ATE1: variants seen among roughly 807,000 people sequenced by gnomAD.
ATE1 encodes the protein arginyl-tRNA--protein transferase 1.
ATE1 carries 36 observed loss-of-function variants against 70.5 expected under a neutral mutation model. That is an observed-to-expected ratio of 0.51 (90% CI 0.39 to 0.67). ATE1 has a LOEUF of 0.67. ATE1 is among the 30% of genes least tolerant of loss of function. The pLI, the probability that ATE1 is intolerant of heterozygous loss-of-function variation, is 0.00. For missense variants in ATE1, 593 were observed against 629.5 expected (o/e 0.94, Z 0.62); for synonymous variants, 232 against 219.3 (o/e 1.06, Z -0.51).
At chr10:121,812,298 A>G (rs569443395) in intron 10 of ATE1, among the ~76,000 whole-genome samples, 9 of 152,236 alleles carry the variant, frequency 5.9e-5, no homozygotes, top group East Asian at 3.9e-4. Context: ...TGTTGACTCT[A>G]TAACAACAGA....
intron 11 of ATE1, among the ~76,000 whole-genome samples, chr10:121,750,316 T>C (rs1041335049): frequency 6.6e-6 from 1 of 152,178 alleles, no homozygotes; most frequent in Non-Finnish European, 1.5e-5. Context: ...AGAAAAACTC[T>C]CGGCTTACTG....
intron 1 of ATE1, chr10:121,927,068 A>AT: frequency 1.0e-6 from 1 of 985,286 alleles, no homozygotes; most frequent in Non-Finnish European, 1.2e-6. Flanking sequence ...TTCTATTAAA[A>AT]TAATAGAGTC....
intron 7 of ATE1, among the ~76,000 whole-genome samples, chr10:121,872,582 C>A (rs1949899907): frequency 6.6e-6 from 1 of 151,812 alleles, no homozygotes; most frequent in African/African-American, 2.4e-5. Context: ...ATATTATATT[C>A]AGTAGAAATG....
At chr10:121,753,717 C>T (rs1693674) in intron 11 of ATE1, among the ~76,000 whole-genome samples, 124,381 of 152,200 alleles carry the variant, frequency 0.82, 51,248 homozygotes, top group Non-Finnish European at 0.88. Context: ...CCCCTAAATA[C>T]TCATCTTAGA....
rs118034563 is a variant in ATE1 at position 121,798,622 on chromosome 10, G to A, written c.1258-8333C>T. On this transcript the variant is annotated intron_variant, in intron 10 of 11. Transcript: ENST00000224652. ...CTTTAAAAAGTAATGAAGACAGGCCGGGTGCAGTGGCTCACGCCTGTAATC... is the reference window on the plus strand; with the variant it reads ...CTTTAAAAAGTAATGAAGACAGGCCAGGTGCAGTGGCTCACGCCTGTAATC... Among the ~76,000 whole-genome samples the A allele has an allele frequency of 1.4e-3, 208 of 152,264 alleles. 1 individual carries two copies. The East Asian group carries it at 0.015, about 11-fold the overall frequency.
chr10:121,925,020 G>A (rs1171419029), intron 1 of ATE1, among the ~76,000 whole-genome samples: 1 of 152,136 alleles, frequency 6.6e-6, no homozygotes, highest in East Asian at 1.9e-4. Context: ...AATGTTTTGT[G>A]CTTATTAGTT....
intron 9 of ATE1, among the ~76,000 whole-genome samples, chr10:121,837,090 T>C (rs1240437872): frequency 6.6e-6 from 1 of 152,118 alleles, no homozygotes; most frequent in Non-Finnish European, 1.5e-5. Context: ...CAGCATAAAA[T>C]TAAAGAGATC....
Position 121,855,137 on chromosome 10 carries a change from GCAAC to G in ATE1, c.976-13878_976-13875del, listed in dbSNP as rs140192860. Among the ~76,000 whole-genome samples the G allele has an allele frequency of 7.8e-3, 1,194 of 152,248 alleles. 17 individuals carry two copies. Among genetic ancestry groups the G allele is most frequent in the African/African-American group, 0.028 (1,154 of 41,542 alleles). ...GCTTTTGTATTCAACTGTAAAAATG[GCAAC>G]CCTCTCCCAGGCCCCCTCTCTGCTG... On this transcript the variant is annotated intron_variant, in intron 8 of 11. Transcript: ENST00000224652.
intron 10 of ATE1, among the ~76,000 whole-genome samples, chr10:121,802,722 C>G (rs1003014196): frequency 1.3e-5 from 2 of 152,126 alleles, no homozygotes; most frequent in African/African-American, 4.8e-5. Context: ...GCTGAACCAT[C>G]CCCTGTGCTG....
rs532405610 is a variant in ATE1, at chr10:121,923,766, A to C, written c.170+500T>G. ...AAATCCTTATCCAAATAAACTGTTAAAGAAGACATTTTTGAGACAATCTGG... is the reference window on the plus strand; with the variant it reads ...AAATCCTTATCCAAATAAACTGTTACAGAAGACATTTTTGAGACAATCTGG... On this transcript the variant is annotated intron_variant, in intron 2 of 11. Coordinates refer to ENST00000224652, the MANE Select transcript of ATE1 (RefSeq NM_001001976.3). Among the ~76,000 whole-genome samples the C allele has an allele frequency of 7.2e-5, 11 of 152,350 alleles. No homozygotes were observed. The East Asian group carries it at 1.5e-3, about 21-fold the overall frequency.
At chr10:121,873,232 T>C (rs1949921890) in intron 7 of ATE1, among the ~76,000 whole-genome samples, 1 of 152,184 alleles carries the variant, frequency 6.6e-6, no homozygotes. Flanking sequence ...AATTATTCTG[T>C]CAAGTCTTGA....
In ATE1 at chr10:121,892,184, T is replaced by C. The variant is rs543101007; in HGVS notation, c.942+7682A>G. ...AGCCCCACAGATAGTGCACTCTCTATCTGTAGGCCAAGGGTTTGCCAAGTG... is the reference window on the plus strand; with the variant it reads ...AGCCCCACAGATAGTGCACTCTCTACCTGTAGGCCAAGGGTTTGCCAAGTG... On this transcript the variant is annotated intron_variant, in intron 7 of 11. Transcript: ENST00000224652. 9.9e-5 allele frequency among the ~76,000 whole-genome samples: 15 copies of C among 152,182 alleles called. No individual in the cohort carries two copies. In the South Asian group the frequency reaches 1.9e-3, roughly 19 times the overall value.
chr10:121,919,695 CGA>C (rs146060975), intron 3 of ATE1, among the ~76,000 whole-genome samples: 23,789 of 151,856 alleles, frequency 0.16, 2,013 homozygotes, highest in East Asian at 0.32. Context: ...ATCACGAGTT[CGA>C]GAGTAGCGCG....
chr10:121,757,744 T>C (rs1458465601), intron 11 of ATE1, among the ~76,000 whole-genome samples: 1 of 152,176 alleles, frequency 6.6e-6, no homozygotes, highest in African/African-American at 2.4e-5. Context: ...TCACTCCCAC[T>C]GGGTCCCTCC....
At chr10:121,894,327 C>A (rs1950692732) in intron 7 of ATE1, among the ~76,000 whole-genome samples, 1 of 151,996 alleles carries the variant, frequency 6.6e-6, no homozygotes, top group Admixed American at 6.6e-5. Flanking sequence ...AACAAAAACC[C>A]AGGTCAATTA....
At chr10:121,761,165 G>A (rs2088409) in intron 11 of ATE1, among the ~76,000 whole-genome samples, 125,857 of 152,110 alleles carry the variant, frequency 0.83, 52,431 homozygotes, top group Non-Finnish European at 0.89. Flanking sequence ...ATGGGTGGGA[G>A]CAGCTTGAGG....
chr10:121,862,615 C>T (rs1564906136), intron 8 of ATE1, among the ~76,000 whole-genome samples: 2 of 131,188 alleles, frequency 1.5e-5, no homozygotes, highest in Non-Finnish European at 3.1e-5. Flanking sequence ...CTCAAGTGAT[C>T]TACCTGTCTC....
At chr10:121,777,383 C>T (rs575893370) in intron 11 of ATE1, among the ~76,000 whole-genome samples, 1 of 152,258 alleles carries the variant, frequency 6.6e-6, no homozygotes, top group East Asian at 1.9e-4. Flanking sequence ...CTATTAACTC[C>T]AATATCCCTA....
chr10:121,891,992 GA>G (rs1447460753), intron 7 of ATE1, among the ~76,000 whole-genome samples: 3 of 152,168 alleles, frequency 2.0e-5, no homozygotes, highest in Non-Finnish European at 4.4e-5. Flanking sequence ...AGAGCAGAAA[GA>G]GAAGAAATGA....
Sources: allele counts gnomAD v4.1 joint callset (sites outside exome capture counted in the v4.1 genomes callset), GRCh38; gene constraint gnomAD v4.1.1; transcripts MANE v1.5; gene names NCBI Gene and HGNC (gene_info 2026-07-23, HGNC 2026-07-21).